POLE2: variants seen among roughly 807,000 people sequenced by gnomAD.
The protein encoded by POLE2 is DNA polymerase epsilon subunit 2.
Under a neutral mutation model 79.4 loss-of-function variants are expected in POLE2, and 56 were observed. That is an observed-to-expected ratio of 0.71 (90% CI 0.57 to 0.88). The LOEUF is 0.88. Among genes scored for constraint, POLE2 ranks in the 40% least tolerant of loss-of-function variants. POLE2 has a pLI of 0.00. For synonymous variants in POLE2, 212 were observed against 214.0 expected (o/e 0.99, Z 0.08); for missense variants, 598 against 638.9 (o/e 0.94, Z 0.69).
chr14:49,666,276 C>T (rs45503791), intron 7 of POLE2, 54 bp downstream of exon 7: 183 of 875,700 alleles, frequency 2.1e-4, no homozygotes, highest in Non-Finnish European at 2.6e-4. Context: ...TCTATGTAAC[C>T]GACATTTCAT....
At chr14:49,649,137 CTTTTTTTTTTTTTTT>C (rs374201091) in intron 17 of POLE2, among the ~76,000 whole-genome samples, 1 of 108,786 alleles carries the variant, frequency 9.2e-6, no homozygotes, top group Non-Finnish European at 1.8e-5. Flanking sequence ...ATTTCTTTCC[CTTTTTTTTTTTTTTT>C]TTTTTTTTTT....
At position 49,683,697 on chromosome 14, in the gene POLE2, A is replaced by C. The variant is rs1886903786; in HGVS notation, c.69-4T>G. 1 of 1,437,614 alleles carries C rather than the reference A, an allele frequency of 7.0e-7. No individual in the cohort carries two copies. Among genetic ancestry groups the C allele is most frequent in the Non-Finnish European group, 9.7e-7 (1 of 1,032,696 alleles). 89.1% of individuals were successfully genotyped at this position (1,437,614 alleles called of 1,614,324 possible). On this transcript the variant is annotated splice_polypyrimidine_tract_variant and splice_region_variant and intron_variant, in intron 1 of 18. Transcript: ENST00000216367. The stretch of plus-strand genomic sequence containing the variant: ...TGTGAGGTACTTAATAGCTTCACTA[A>C]GAAAAGGAAAGGAAAAATGAGGCAG...
chr14:49,665,685 T>G (rs919838861), intron 7 of POLE2, among the ~76,000 whole-genome samples: 3 of 151,420 alleles, frequency 2.0e-5, no homozygotes, highest in Non-Finnish European at 4.4e-5. Flanking sequence ...GGGTTTTTTT[T>G]TTTTTTTTTT....
chr14:49,653,911 G>T, intron 15 of POLE2, 79 bp downstream of exon 15: 1 of 813,718 alleles, frequency 1.2e-6, no homozygotes, highest in Non-Finnish European at 2.0e-6. Context: ...AAAGTGCTGA[G>T]ATTACAGACA....
intron 3 of POLE2, among the ~76,000 whole-genome samples, chr14:49,678,800 G>C (rs1042849108): frequency 1.3e-5 from 2 of 151,912 alleles, no homozygotes; most frequent in Non-Finnish European, 2.9e-5. Flanking sequence ...GGGATTACAG[G>C]TGCGCCCCAC....
At chr14:49,647,085 T>G in intron 18 of POLE2, 1 of 387,944 alleles carries the variant, frequency 2.6e-6, no homozygotes, top group Non-Finnish European at 4.6e-6. Flanking sequence ...CAGAAAACAG[T>G]TCTTGATCTA....
chr14:49,674,829 G>C (rs1345754826), intron 3 of POLE2, among the ~76,000 whole-genome samples: 1 of 152,106 alleles, frequency 6.6e-6, no homozygotes, highest in Non-Finnish European at 1.5e-5. Flanking sequence ...GCCTCCCAAA[G>C]TACTGGGATT....
chr14:49,687,529 C>T (rs887855574), intron 1 of POLE2, among the ~76,000 whole-genome samples: 4 of 152,008 alleles, frequency 2.6e-5, no homozygotes, highest in African/African-American at 9.7e-5. Context: ...TCCCGGGAGC[C>T]TGAGAGCTGT....
rs768706577 is a variant in POLE2 at position 49,643,631 on chromosome 14, T to G, written c.*21A>C. On this transcript the variant is annotated 3_prime_UTR_variant, in exon 19 of 19. Coordinates refer to ENST00000216367, the MANE Select transcript of POLE2 (RefSeq NM_002692.4). Reference sequence around the variant, plus strand: ...TTAAGCAGAAAACTGATGAATTTTCTTCAGATGATCTTTAAGAATCTCAAA... The same window carrying G: ...TTAAGCAGAAAACTGATGAATTTTCGTCAGATGATCTTTAAGAATCTCAAA... 30 of 1,327,198 alleles carry G rather than the reference T, an allele frequency of 2.3e-5. No homozygotes were observed. Among genetic ancestry groups the G allele is most frequent in the Admixed American group, 1.5e-4 (7 of 46,100 alleles). 82.2% of individuals were successfully genotyped at this position (1,327,198 alleles called of 1,614,324 possible).
intron 17 of POLE2, among the ~76,000 whole-genome samples, chr14:49,649,717 G>A (rs1884070545): frequency 6.6e-6 from 1 of 152,168 alleles, no homozygotes. Flanking sequence ...CCAAAGTGCT[G>A]GGATTACAGG....
chr14:49,656,133 A>ATCACGAGG (rs1183749394), intron 10 of POLE2, among the ~76,000 whole-genome samples: 3 of 152,160 alleles, frequency 2.0e-5, no homozygotes, highest in Admixed American at 2.0e-4. Context: ...AGGCGGGCGG[A>ATCACGAGG]TCACGAGGTC....
chr14:49,666,276 C>A, intron 7 of POLE2, 54 bp downstream of exon 7: 1 of 875,822 alleles, frequency 1.1e-6, no homozygotes, highest in Non-Finnish European at 1.8e-6. Context: ...TCTATGTAAC[C>A]GACATTTCAT....
chr14:49,680,639 GA>G (rs138002967), intron 2 of POLE2, among the ~76,000 whole-genome samples: 1,596 of 152,268 alleles, frequency 0.01, 26 homozygotes, highest in African/African-American at 0.036. Flanking sequence ...AAGAGATAGA[GA>G]GCAACAAAAA....
intron 8 of POLE2, 142 bp downstream of exon 8, chr14:49,664,965 G>A (rs914711401): frequency 4.6e-6 from 3 of 651,366 alleles, no homozygotes; most frequent in African/African-American, 3.7e-5. Context: ...CCCTGTTTAG[G>A]ATTATATCTC....
At chr14:49,676,406 C>G (rs1319460319) in intron 3 of POLE2, among the ~76,000 whole-genome samples, 1 of 152,210 alleles carries the variant, frequency 6.6e-6, no homozygotes, top group African/African-American at 2.4e-5. Flanking sequence ...AGACTCCAGA[C>G]ACTGCTCCAC....
chr14:49,688,168 G>A lies in POLE2; in HGVS notation c.36C>T (p.Ser12=), dbSNP rs750334467. ...APERLRSRAL[S]AFKLRGLLLR... ...GCAGCAAGCCCCGCAACTTGAAGGCGGAGAGCGCCCGGCTCCGCAGCCGCT... is the reference window on the plus strand; with the variant it reads ...GCAGCAAGCCCCGCAACTTGAAGGCAGAGAGCGCCCGGCTCCGCAGCCGCT... The change falls in exon 1 of 19, where the codon TCC becomes TCT. Residue 12 remains serine (S), a synonymous_variant. Coordinates refer to ENST00000216367, the MANE Select transcript of POLE2 (RefSeq NM_002692.4). The A allele has an allele frequency of 8.4e-6, 13 of 1,551,114 alleles. No homozygotes were observed. The highest frequency in any genetic ancestry group is 3.5e-6 in the Non-Finnish European group (4 of 1,150,304).
rs761290486 is a variant in POLE2, at chr14:49,655,823, T to G, written c.776A>C (p.Asn259Thr). The G allele has an allele frequency of 6.5e-7, 1 of 1,544,056 alleles. No homozygotes were observed. Among genetic ancestry groups the G allele is most frequent in the South Asian group, 1.1e-5 (1 of 87,020 alleles). Residue 259 changes from asparagine (N) to threonine (T), a missense_variant, in exon 11 of 19, where the codon AAT (asparagine) becomes ACT (threonine). By Grantham distance (65) the Asn-to-Thr change is moderately conservative. Coordinates refer to ENST00000216367, the MANE Select transcript of POLE2 (RefSeq NM_002692.4). ...TGTATTAGAAGGACCTCCAAAAAAATTAATATTTCCATAGTATGCCCTAGA... is the reference window on the plus strand; with the variant it reads ...TGTATTAGAAGGACCTCCAAAAAAAGTAATATTTCCATAGTATGCCCTAGA... ...STTRAYYGNI[N>T]FFGGPSNTSV...
intron 18 of POLE2, 59 bp downstream of exon 18, chr14:49,647,232 ATT>A: frequency 1.1e-6 from 1 of 872,264 alleles, no homozygotes; most frequent in Non-Finnish European, 1.8e-6. Flanking sequence ...AGAACATCTC[ATT>A]TTCAGTAATT....
intron 3 of POLE2, among the ~76,000 whole-genome samples, chr14:49,678,301 C>A (rs1886449811): frequency 6.6e-6 from 1 of 151,858 alleles, no homozygotes; most frequent in Non-Finnish European, 1.5e-5. Flanking sequence ...CTGCGCCCAG[C>A]CTGCTTTTCT....
Sources: allele counts gnomAD v4.1 joint callset (sites outside exome capture counted in the v4.1 genomes callset), GRCh38; gene constraint gnomAD v4.1.1; transcripts MANE v1.5; gene names NCBI Gene and HGNC (gene_info 2026-07-23, HGNC 2026-07-21).